The following NDST3 variants were observed in gnomAD, a reference collection of about 807,000 sequenced individuals.
The protein encoded by NDST3 is N-deacetylase and N-sulfotransferase 3.
In NDST3, 58 loss-of-function variants were observed where a neutral mutation model predicts 96.1. The observed-to-expected ratio is 0.60, with a 90% CI of 0.49 to 0.75. NDST3 has a LOEUF of 0.75. NDST3 is among the 30% of genes least tolerant of loss of function. NDST3 has a pLI of 0.00. For synonymous variants in NDST3, 333 were observed against 359.7 expected (o/e 0.93, Z 0.84); for missense variants, 788 against 1,034.2 (o/e 0.76, Z 3.27).
intron 2 of NDST3, among the ~76,000 whole-genome samples, chr4:118,075,792 G>GA (rs1727479064): frequency 6.6e-6 from 1 of 152,162 alleles, no homozygotes; most frequent in African/African-American, 2.4e-5. Flanking sequence ...GTAGATTCTG[G>GA]ATATTAGCCC....
chr4:118,174,006 T>G (rs1470470152), intron 6 of NDST3, among the ~76,000 whole-genome samples: 2 of 152,206 alleles, frequency 1.3e-5, no homozygotes, highest in Non-Finnish European at 2.9e-5. Flanking sequence ...CTTTGCAACA[T>G]TTCACTAGAA....
At position 118,226,892 on chromosome 4, in the gene NDST3, T is replaced by C. The variant is rs1218044649; in HGVS notation, c.1729T>C (p.Cys577Arg). ...ATGTTCTTCTCCCATTTAGAATCCT[T>C]GCGATGACAAACGCCACAGAGACAT... The part of the protein sequence containing the change: ...DQKDPLWQNP[C>R]DDKRHRDIWS... The change falls in exon 8 of 14, where the codon TGC becomes CGC. Residue 577 changes from cysteine (C) to arginine (R), a missense_variant. Physicochemically the swap from Cys to Arg is radical, Grantham distance 180. Transcript: ENST00000296499. 2 of 1,609,934 alleles carry C rather than the reference T, an allele frequency of 1.2e-6. No homozygotes were observed. The highest frequency in any genetic ancestry group is 1.7e-6 in the Non-Finnish European group (2 of 1,178,478).
intron 6 of NDST3, among the ~76,000 whole-genome samples, chr4:118,160,469 G>GAA (rs373117185): frequency 1.5e-5 from 2 of 135,744 alleles, no homozygotes; most frequent in African/African-American, 5.4e-5. Context: ...AAATTTACAA[G>GAA]AAAAAAAAAA....
Position 118,154,652 on chromosome 4 carries a change from G to C in NDST3, c.1539+10968G>C, listed in dbSNP as rs78696491. ...AGGACTATTAAACTGGAAAAGACCA[G>C]GAAGGTTATCTATCAATCTTTTAAT... is the stretch of plus-strand genomic sequence containing the variant. On this transcript the variant is annotated intron_variant, in intron 6 of 13. Coordinates refer to ENST00000296499, the MANE Select transcript of NDST3 (RefSeq NM_004784.3). Among the ~76,000 whole-genome samples, 867 of 152,246 alleles carry C rather than the reference G, an allele frequency of 5.7e-3. 11 individuals are homozygous for C. The highest frequency in any genetic ancestry group is 0.02 in the African/African-American group (833 of 41,534).
Position 118,254,006 on chromosome 4 carries a change from C to T in NDST3, c.2502+405C>T, listed in dbSNP as rs567117303. Reference sequence around the variant, plus strand: ...CTGTAATCTCAGCACTTTGGAAGGCCGACGTGGGTGGATCACTTGAGGTCA... The same window carrying T: ...CTGTAATCTCAGCACTTTGGAAGGCTGACGTGGGTGGATCACTTGAGGTCA... On this transcript the variant is annotated intron_variant, in intron 13 of 13. Transcript: ENST00000296499. Among the ~76,000 whole-genome samples, 14 of 152,088 alleles carry T rather than the reference C, an allele frequency of 9.2e-5. No individual in the cohort carries two copies. In the East Asian group the frequency reaches 1.7e-3, roughly 19 times the overall value.
At chr4:118,197,835 C>G (rs939335637) in intron 6 of NDST3, among the ~76,000 whole-genome samples, 1 of 142,274 alleles carries the variant, frequency 7.0e-6, no homozygotes, top group Non-Finnish European at 1.5e-5. Flanking sequence ...GAGTCTCACT[C>G]TGTCACCAGG....
intron 6 of NDST3, among the ~76,000 whole-genome samples, chr4:118,195,301 G>T (rs1209664956): frequency 1.3e-5 from 2 of 152,124 alleles, no homozygotes; most frequent in Non-Finnish European, 2.9e-5. Context: ...ACTTGTCAAG[G>T]GTGGGGCCAG....
chr4:118,175,067 C>G (rs1034283695), intron 6 of NDST3, among the ~76,000 whole-genome samples: 3 of 152,066 alleles, frequency 2.0e-5, no homozygotes, highest in African/African-American at 7.2e-5. Flanking sequence ...CCGTATTTTA[C>G]CAGCAACCAT....
At chr4:118,211,729 T>C (rs1047442950) in intron 6 of NDST3, among the ~76,000 whole-genome samples, 4 of 152,220 alleles carry the variant, frequency 2.6e-5, no homozygotes, top group Non-Finnish European at 5.9e-5. Context: ...TCTTATAATC[T>C]TTTTAAGGCG....
intron 6 of NDST3, among the ~76,000 whole-genome samples, chr4:118,218,726 C>A (rs1052483811): frequency 5.9e-5 from 9 of 152,028 alleles, no homozygotes; most frequent in African/African-American, 9.7e-5. Context: ...AAAGGGTATT[C>A]AGATAGGAAG....
At chr4:118,251,538 T>G (rs1741736253) in intron 12 of NDST3, among the ~76,000 whole-genome samples, 1 of 152,184 alleles carries the variant, frequency 6.6e-6, no homozygotes, top group East Asian at 1.9e-4. Flanking sequence ...CTTGTGAAAT[T>G]TAAAGGACTA....
At chr4:118,102,475 T>C (rs190925377) in intron 2 of NDST3, among the ~76,000 whole-genome samples, 11 of 152,258 alleles carry the variant, frequency 7.2e-5, no homozygotes, top group Non-Finnish European at 4.4e-5. Flanking sequence ...ATTAGAATTT[T>C]AGATATGATC....
At chr4:118,062,474 CTT>C (rs1040619018) in intron 2 of NDST3, among the ~76,000 whole-genome samples, 1 of 152,034 alleles carries the variant, frequency 6.6e-6, no homozygotes, top group Non-Finnish European at 1.5e-5. Flanking sequence ...CACTCTCTCT[CTT>C]TGTTTGGTGG....
intron 12 of NDST3, among the ~76,000 whole-genome samples, chr4:118,246,532 A>G (rs644797): frequency 0.83 from 126,301 of 152,086 alleles, 54,178 homozygotes; most frequent in South Asian, 0.95. Flanking sequence ...CTTGAACCTG[A>G]GAGGCGGAGG....
At chr4:118,056,297 T>C (rs1725425171) in intron 2 of NDST3, among the ~76,000 whole-genome samples, 1 of 151,732 alleles carries the variant, frequency 6.6e-6, no homozygotes. Context: ...TGTAGCCCCC[T>C]GTTTCCCCTA....
At chr4:118,238,219 GAAAGA>G (rs1560738919) in intron 10 of NDST3, among the ~76,000 whole-genome samples, 4 of 125,770 alleles carry the variant, frequency 3.2e-5, no homozygotes, top group Non-Finnish European at 6.7e-5. Flanking sequence ...AAGAAAGAAA[GAAAGA>G]AAAAGAAAGA....
intron 4 of NDST3, among the ~76,000 whole-genome samples, chr4:118,128,780 T>G (rs1277004899): frequency 6.6e-6 from 1 of 152,034 alleles, no homozygotes; most frequent in African/African-American, 2.4e-5. Context: ...CTTCTTTAAA[T>G]GTTTGGTAGA....
rs190723086 is a variant in NDST3, at chr4:118,249,991, A to G, written c.2400-3508A>G. Among the ~76,000 whole-genome samples, 792 of 152,340 alleles carry G rather than the reference A, an allele frequency of 5.2e-3. 13 individuals carry two copies. The highest frequency in any genetic ancestry group is 0.018 in the African/African-American group (751 of 41,592). ...ATCATCAAGCTACTTTCTTTCACTT[A>G]GCATAATGATTCTGAGTTTCCTCTA... On this transcript the variant is annotated intron_variant, in intron 12 of 13. Coordinates refer to ENST00000296499, the MANE Select transcript of NDST3 (RefSeq NM_004784.3).
chr4:118,227,811 A>C (rs896142632), intron 8 of NDST3, among the ~76,000 whole-genome samples: 21 of 152,052 alleles, frequency 1.4e-4, no homozygotes, highest in African/African-American at 4.1e-4. Context: ...ACAGGGTTTC[A>C]CCGTGTTAGC....
Sources: gnomAD v4.1 joint callset for allele counts (sites outside exome capture counted in the v4.1 genomes callset) on GRCh38, gnomAD v4.1.1 for gene constraint, MANE v1.5 for transcripts, NCBI Gene and HGNC (gene_info 2026-07-23, HGNC 2026-07-21) for gene names.